The following ARAP2 variants were observed in gnomAD, a reference collection of about 807,000 sequenced individuals.
ARAP2 encodes the protein arf-GAP with Rho-GAP domain, ANK repeat and PH domain-containing protein 2.
ARAP2 carries 148 observed loss-of-function variants against 194.5 expected under a neutral mutation model. The observed-to-expected ratio is 0.76, with a 90% confidence interval of 0.67 to 0.87. The LOEUF is 0.87. Among genes scored for constraint, ARAP2 ranks in the 40% least tolerant of loss-of-function variants. The pLI, the probability that ARAP2 is intolerant of heterozygous loss-of-function variation, is 0.00. For missense variants in ARAP2, 2,128 were observed against 1,989.7 expected (o/e 1.07, Z -1.32); for synonymous variants, 695 against 683.5 (o/e 1.02, Z -0.26).
intron 26 of ARAP2, among the ~76,000 whole-genome samples, chr4:36,109,578 T>A (rs1719309979): frequency 6.6e-6 from 1 of 151,976 alleles, no homozygotes; most frequent in South Asian, 2.1e-4. Flanking sequence ...GAAAAGATCA[T>A]AACTGCCCAC....
intron 9 of ARAP2, among the ~76,000 whole-genome samples, chr4:36,175,472 G>A (rs768344646): frequency 1.5e-4 from 23 of 152,136 alleles, no homozygotes; most frequent in Non-Finnish European, 3.1e-4. Context: ...AAACGGAATG[G>A]TATGCCAGGG....
At chr4:36,046,507 C>T (rs1721858529) in intron 4 of ARAP2, among the ~76,000 whole-genome samples, 2 of 152,094 alleles carry the variant, frequency 1.3e-5, no homozygotes, top group African/African-American at 4.8e-5. Flanking sequence ...CAGTGAGCCA[C>T]TGCACCTGGC....
intron 8 of ARAP2, among the ~76,000 whole-genome samples, chr4:36,178,592 A>G (rs1340426647): frequency 6.6e-6 from 1 of 152,178 alleles, no homozygotes; most frequent in Non-Finnish European, 1.5e-5. Flanking sequence ...TCCTTCCACA[A>G]AAGCTAAGTG....
intron 26 of ARAP2, among the ~76,000 whole-genome samples, chr4:36,108,776 CAT>C (rs1335193073): frequency 6.6e-6 from 1 of 151,892 alleles, no homozygotes; most frequent in Non-Finnish European, 1.5e-5. Context: ...GCAACAGAAA[CAT>C]ATGCTGGAAT....
In ARAP2 at chr4:36,107,664, G is replaced by A; in HGVS notation, c.4186C>T (p.Leu1396=). 6.2e-7 allele frequency: 1 copy of A among 1,609,092 alleles called. No homozygotes were observed. Among genetic ancestry groups the A allele is most frequent in the South Asian group, 1.1e-5 (1 of 90,554 alleles). The stretch of plus-strand genomic sequence containing the variant: ...GAACTCCACCGAAGCACCTGCTCCA[G>A]TACATTTTCCTTGTAGTGAAGAGGA... The part of the protein sequence containing the change: ...ERPLHYKENV[L]EQVLRWSSLA... Residue 1396 remains leucine, a synonymous_variant, in exon 27 of 33, where the codon CTG becomes TTG. Transcript: ENST00000303965.
chr4:36,044,408 T>A (rs549668126), intron 5 of ARAP2, among the ~76,000 whole-genome samples: 33 of 152,306 alleles, frequency 2.2e-4, no homozygotes, highest in African/African-American at 7.5e-4. Flanking sequence ...GAATATGGTG[T>A]CAAGAGAGGG....
chr4:36,029,889 C>T (rs930734454), intron 5 of ARAP2, among the ~76,000 whole-genome samples: 9 of 152,016 alleles, frequency 5.9e-5, no homozygotes, highest in Non-Finnish European at 8.8e-5. Context: ...AGTGTATTCT[C>T]ATTTCTTCAT....
intron 1 of ARAP2, among the ~76,000 whole-genome samples, chr4:36,230,775 A>G (rs558149121): frequency 2.6e-5 from 4 of 152,304 alleles, no homozygotes; most frequent in Non-Finnish European, 5.9e-5. Flanking sequence ...TTGATGCAGG[A>G]CTGAAAAACC....
At chr4:36,235,781 A>C (rs1476386207) in intron 1 of ARAP2, among the ~76,000 whole-genome samples, 1 of 152,178 alleles carries the variant, frequency 6.6e-6, no homozygotes, top group Non-Finnish European at 1.5e-5. Flanking sequence ...AATTCATCTA[A>C]CCATTAACAG....
intron 1 of ARAP2, among the ~76,000 whole-genome samples, chr4:36,233,267 T>C (rs531943530): frequency 2.0e-5 from 3 of 152,252 alleles, no homozygotes; most frequent in South Asian, 2.1e-4. Context: ...AATACGAAAT[T>C]GAAGCTCTCC....
chr4:36,158,725 A>G lies in ARAP2; in HGVS notation c.2752+5T>C. On this transcript the variant is annotated splice_donor_5th_base_variant and intron_variant, in intron 15 of 32. Coordinates refer to ENST00000303965, the MANE Select transcript of ARAP2 (RefSeq NM_015230.4). ...GATAATATCTAAAAAGAAGAGAAAAAATACCTTCAAGCAGTTTTTTCTCTG... is the reference window on the plus strand; with the variant it reads ...GATAATATCTAAAAAGAAGAGAAAAGATACCTTCAAGCAGTTTTTTCTCTG... 6.3e-7 allele frequency: 1 copy of G among 1,595,928 alleles called. No homozygotes were observed. Among genetic ancestry groups the G allele is most frequent in the Non-Finnish European group, 8.5e-7 (1 of 1,173,792 alleles).
chr4:36,016,489 TCTTG>T (rs1715820421), intron 6 of ARAP2, among the ~76,000 whole-genome samples: 1 of 146,666 alleles, frequency 6.8e-6, no homozygotes, highest in Admixed American at 7.2e-5. Flanking sequence ...CCTTTATAGC[TCTTG>T]CGTGCTTGAA....
rs781160075 is a variant in ARAP2, at chr4:36,159,349, A to T, written c.2599T>A (p.Tyr867Asn). The T allele has an allele frequency of 6.2e-7, 1 of 1,605,474 alleles. No homozygotes were observed. Among genetic ancestry groups the T allele is most frequent in the Non-Finnish European group, 8.5e-7 (1 of 1,174,880 alleles). The part of the protein sequence containing the change: ...AGQSLQMEFL[Y>N]HNKFSDFPQH... ...GACGAACCTGAGAATTTGTTATGGT[A>T]GAGAAATTCCATTTGCAGACTTTGC... is the stretch of plus-strand genomic sequence containing the variant. Residue 867 changes from tyrosine to asparagine, a missense_variant, in exon 14 of 33, where the codon TAC becomes AAC. By Grantham distance (143) the Tyr-to-Asn change is moderately radical (BLOSUM62 -2). Transcript: ENST00000303965.
chr4:36,103,623 T>C (rs1332054428), intron 27 of ARAP2, among the ~76,000 whole-genome samples: 1 of 151,744 alleles, frequency 6.6e-6, no homozygotes, highest in Non-Finnish European at 1.5e-5. Context: ...GTTAGCTCTT[T>C]TTTACAATAA....
chr4:36,114,710 G>A (rs993709231), intron 25 of ARAP2, among the ~76,000 whole-genome samples: 5 of 151,896 alleles, frequency 3.3e-5, no homozygotes, highest in Non-Finnish European at 7.4e-5. Flanking sequence ...AATGGCTATC[G>A]GTCATGCCAA....
intron 8 of ARAP2, among the ~76,000 whole-genome samples, chr4:36,014,746 G>A (rs1715473516): frequency 6.6e-6 from 1 of 152,112 alleles, no homozygotes; most frequent in Non-Finnish European, 1.5e-5. Context: ...ACTTCCCAAA[G>A]TGATGATACT....
At chr4:36,216,731 AAAAAAAAACTACT>A (rs2109296707) in intron 2 of ARAP2, among the ~76,000 whole-genome samples, 1 of 151,712 alleles carries the variant, frequency 6.6e-6, no homozygotes, top group South Asian at 2.1e-4. Flanking sequence ...CAGCTGAAAG[AAAAAAAAACTACT>A]AAAAAAAACT....
At chr4:36,150,673 G>A (rs1366610364) in intron 16 of ARAP2, among the ~76,000 whole-genome samples, 1 of 151,824 alleles carries the variant, frequency 6.6e-6, no homozygotes, top group Admixed American at 6.6e-5. Context: ...GATTTGATTC[G>A]AAGATGCTAG....
At chr4:36,014,264 A>AGAAAGAAAGAAAGAAAGAAAG (rs1715189251) in intron 8 of ARAP2, among the ~76,000 whole-genome samples, 1 of 145,900 alleles carries the variant, frequency 6.9e-6, no homozygotes. Flanking sequence ...AAAGAAAGAA[A>AGAAAGAAAGAAAGAAAGAAAG]GAAAGAAAGA....
Sources: gnomAD v4.1 joint callset for allele counts (sites outside exome capture counted in the v4.1 genomes callset) on GRCh38, gnomAD v4.1.1 for gene constraint, MANE v1.5 for transcripts, NCBI Gene and HGNC (gene_info 2026-07-23, HGNC 2026-07-21) for gene names.